Variants in DNAH8 observed in about 807,000 individuals in gnomAD.
The protein encoded by DNAH8 is dynein axonemal heavy chain 8.
A neutral mutation model predicts 562.1 loss-of-function variants in DNAH8; 382 were observed. The observed-to-expected ratio is 0.68, with a 90% CI of 0.63 to 0.74. The LOEUF (loss-of-function observed/expected upper bound fraction) is 0.74. Ranked by LOEUF, DNAH8 falls within the 30% of genes least tolerant of loss-of-function variation. The probability of loss-of-function intolerance (pLI) is 0.00; values close to 1 mark genes in which losing one functional copy is unlikely to be tolerated. For synonymous variants in DNAH8, 1,881 were observed against 1,919.4 expected (o/e 0.98, Z 0.52); for missense variants, 5,203 against 5,620.4 (o/e 0.93, Z 2.37).
Position 38,872,695 on chromosome 6 carries a change from A to T in DNAH8, c.7150A>T (p.Met2384Leu), listed in dbSNP as rs771001804. The change falls in exon 50 of 93, where the codon ATG becomes TTG. Residue 2384 changes from methionine (M) to leucine (L), a missense_variant. Physicochemically the swap from Met to Leu is conservative, Grantham distance 15 (BLOSUM62 2). Around this residue, in one of 6 missense-constraint regions of DNAH8, gnomAD observed 2,176 missense variants for 2,365.1 expected, o/e 0.92. Transcript: ENST00000327475. ...TCCAAAAGCCATTACTGCACCTCAG[A>T]TGTTTGGCAGACTGGACACTGCTAC... ...MNPKAITAPQ[M>L]FGRLDTATND... The T allele has an allele frequency of 1.1e-5, 18 of 1,614,134 alleles. No homozygotes were observed. The South Asian group carries it at 2.0e-4, about 18-fold the overall frequency.
chr6:38,909,502 A>G lies in DNAH8; in HGVS notation c.9514-16A>G. ...CCCTCTGTGTTTCTAATGTTTGTTG[A>G]CTTTGCTATCAATAGGTTGGTGAGA... On this transcript the variant is annotated splice_polypyrimidine_tract_variant and intron_variant, in intron 64 of 92. Transcript: ENST00000327475. 1 of 1,612,936 alleles carries G rather than the reference A, an allele frequency of 6.2e-7. No individual in the cohort carries two copies. Among genetic ancestry groups the G allele is most frequent in the Non-Finnish European group, 8.5e-7 (1 of 1,179,006 alleles).
At chr6:38,869,051 G>C (rs528634207) in intron 48 of DNAH8, among the ~76,000 whole-genome samples, 1 of 152,172 alleles carries the variant, frequency 6.6e-6, no homozygotes, top group East Asian at 1.9e-4. Context: ...CACATATTGT[G>C]CCCATGCCAT....
At chr6:38,948,667 A>G (rs1761630274) in intron 80 of DNAH8, among the ~76,000 whole-genome samples, 1 of 152,198 alleles carries the variant, frequency 6.6e-6, no homozygotes, top group Non-Finnish European at 1.5e-5. Context: ...AACACCGTCT[A>G]AATAACCCAG....
chr6:38,882,788 G>T, intron 53 of DNAH8, 122 bp from the exon 54 acceptor site: 1 of 655,560 alleles, frequency 1.5e-6, no homozygotes, highest in East Asian at 3.0e-5. Flanking sequence ...ACATGTTTTA[G>T]GAAAACATTT....
chr6:38,811,346 G>C (rs765273181), intron 24 of DNAH8, among the ~76,000 whole-genome samples: 9 of 152,170 alleles, frequency 5.9e-5, no homozygotes, highest in Non-Finnish European at 1.3e-4. Flanking sequence ...ACTGTCCTGG[G>C]CACACTGGAC....
chr6:38,837,443 G>A (rs1053897468), intron 32 of DNAH8, among the ~76,000 whole-genome samples: 3 of 152,150 alleles, frequency 2.0e-5, no homozygotes, highest in Admixed American at 1.3e-4. Context: ...AAAGACATGT[G>A]CATTAACTTT....
chr6:38,969,544 A>G (rs975286889), intron 82 of DNAH8, among the ~76,000 whole-genome samples: 14 of 152,226 alleles, frequency 9.2e-5, no homozygotes, highest in Non-Finnish European at 1.9e-4. Flanking sequence ...TCCGTCAGGA[A>G]AGTCTTGCTG....
intron 41 of DNAH8, among the ~76,000 whole-genome samples, chr6:38,856,958 A>C (rs982662501): frequency 1.3e-5 from 2 of 152,128 alleles, no homozygotes; most frequent in Non-Finnish European, 2.9e-5. Flanking sequence ...ATCCTCTCAC[A>C]GTTTCTTTAT....
rs74693242 is a variant in DNAH8, at chr6:38,826,516, G to A, written c.4083+125G>A. On this transcript the variant is annotated intron_variant, in intron 29 of 92. Transcript: ENST00000327475. ...ATGTAGCACAGTCTGCCTATTTCTC[G>A]TCTCTGATGTTGATGTCTTTGGGAG... 2,135 of 658,540 alleles carry A rather than the reference G, an allele frequency of 3.2e-3. 4 individuals carry two copies. The highest frequency in any genetic ancestry group is 4.6e-3 in the Non-Finnish European group (1,770 of 383,784). The allele number at this position is 658,540 out of a possible 1,614,324, so 40.8% of individuals were successfully genotyped here.
At chr6:39,003,990 C>T (rs964097300) in intron 88 of DNAH8, among the ~76,000 whole-genome samples, 6 of 150,896 alleles carry the variant, frequency 4.0e-5, no homozygotes, top group African/African-American at 1.2e-4. Flanking sequence ...CATTTTTTTT[C>T]TCTTCTCTAG....
chr6:38,887,092 T>C, intron 57 of DNAH8, 88 bp downstream of exon 57: 1 of 951,806 alleles, frequency 1.1e-6, no homozygotes, highest in Non-Finnish European at 1.6e-6. Flanking sequence ...AAAGGCTCTG[T>C]CTAAAGTGGG....
Position 38,828,288 on chromosome 6 carries a change from TG to T in DNAH8, c.4188+1del. 6.5e-7 allele frequency: 1 copy of T among 1,530,882 alleles called. No homozygotes were observed. The highest frequency in any genetic ancestry group is 8.9e-7 in the Non-Finnish European group (1 of 1,129,924). The allele number at this position is 1,530,882 out of a possible 1,614,324, so 94.8% of individuals were successfully genotyped here. A position where few individuals can be genotyped will look rare whatever the true frequency, so the allele number is the denominator to read the frequency against. Reference sequence around the variant, plus strand: ...CTTTCAACAAATTGCAGAGCAAAGCTGTAAGTATGAATTTAACTACATTATT... The same window carrying T: ...CTTTCAACAAATTGCAGAGCAAAGCTTAAGTATGAATTTAACTACATTATT... On this transcript the variant is annotated splice_donor_variant, in intron 30 of 92. Coordinates refer to ENST00000327475, the MANE Select transcript of DNAH8 (RefSeq NM_001206927.2). LOFTEE classifies it high-confidence loss of function.
rs1481200963 is a variant in DNAH8 at position 38,899,818 on chromosome 6, G to A, written c.9106G>A (p.Val3036Met). ...IRTSCGNALL[V>M]GVGGSGKQSL... Reference sequence around the variant, plus strand: ...AACGTCGTGTGGAAATGCATTGCTGGTGGGTGTTGGTGGTTCCGGAAAACA... The same window carrying A: ...AACGTCGTGTGGAAATGCATTGCTGATGGGTGTTGGTGGTTCCGGAAAACA... The change falls in exon 62 of 93, where the codon GTG (valine) becomes ATG (methionine). Residue 3036 changes from valine (V) to methionine (M), a missense_variant. Val to Met is a conservative substitution (Grantham distance 21). Transcript: ENST00000327475. 3 of 1,613,022 alleles carry A rather than the reference G, an allele frequency of 1.9e-6. No individual in the cohort carries two copies. The highest frequency in any genetic ancestry group is 2.5e-6 in the Non-Finnish European group (3 of 1,179,660).
chr6:38,945,439 ATTCACCCTGTCTGACGCTC>A lies in DNAH8; in HGVS notation c.12008-24_12008-6del, dbSNP rs990329627. ...TAGAAGTGAAGTACAGGCTTACCCA[ATTCACCCTGTCTGACGCTC>A]TTCCCCAGGGGGAGCAGCTCTGGAC... On this transcript the variant is annotated splice_polypyrimidine_tract_variant and intron_variant, in intron 79 of 92. Coordinates refer to ENST00000327475, the MANE Select transcript of DNAH8 (RefSeq NM_001206927.2). The A allele has an allele frequency of 6.2e-7, 1 of 1,612,920 alleles. No individual in the cohort carries two copies. Among genetic ancestry groups the A allele is most frequent in the African/African-American group, 1.3e-5 (1 of 74,740 alleles).
chr6:39,022,532 C>G (rs1019010589), intron 91 of DNAH8, among the ~76,000 whole-genome samples: 2 of 152,240 alleles, frequency 1.3e-5, no homozygotes, highest in Admixed American at 6.5e-5. Flanking sequence ...CTACCATCCT[C>G]CCCTTCCAGA....
chr6:38,948,875 G>T (rs568094645), intron 80 of DNAH8, among the ~76,000 whole-genome samples: 1 of 152,208 alleles, frequency 6.6e-6, no homozygotes, highest in African/African-American at 2.4e-5. Flanking sequence ...CAAGGTGGGG[G>T]ATCACTAGGA....
chr6:38,891,466 G>C (rs1397080881), intron 58 of DNAH8, among the ~76,000 whole-genome samples: 2 of 152,246 alleles, frequency 1.3e-5, no homozygotes, highest in African/African-American at 4.8e-5. Flanking sequence ...GCACGCACTT[G>C]TCTCCTGGGA....
intron 53 of DNAH8, among the ~76,000 whole-genome samples, chr6:38,881,007 A>C (rs1366210968): frequency 2.0e-5 from 3 of 152,206 alleles, no homozygotes; most frequent in African/African-American, 7.2e-5. Flanking sequence ...AGTCTGGGCC[A>C]CAGAGGCAGA....
In DNAH8 at chr6:38,834,464, ATAATT is replaced by A. The variant is rs1774111027; in HGVS notation, c.4303-111_4303-107del. ...AGCTTCAAGTACAGGACACAATTAA[ATAATT>A]TAAATTAAAAAAATGCTTGTTTACT... On this transcript the variant is annotated intron_variant, in intron 31 of 92. Transcript: ENST00000327475. 4.5e-6 allele frequency: 3 copies of A among 672,024 alleles called. No individual in the cohort carries two copies. In the Admixed American group the frequency reaches 9.0e-5, roughly 20 times the overall value. 41.6% of individuals were successfully genotyped at this position (672,024 alleles called of 1,614,324 possible). A position where few individuals can be genotyped will look rare whatever the true frequency, so the allele number is the denominator to read the frequency against.
Sources: allele counts gnomAD v4.1 joint callset (sites outside exome capture counted in the v4.1 genomes callset), GRCh38; gene constraint gnomAD v4.1.1; regional missense constraint gnomAD v4.1.1; transcripts MANE v1.5; gene names NCBI Gene and HGNC (gene_info 2026-07-23, HGNC 2026-07-21).